Variants in H6PD observed in about 807,000 individuals in gnomAD.
H6PD encodes hexose-6-phosphate dehydrogenase/glucose 1-dehydrogenase, also known as GDH/6PGL endoplasmic bifunctional protein.
Under a neutral mutation model 61.2 loss-of-function variants are expected in H6PD, and 48 were observed. That is an observed-to-expected ratio of 0.78 (90% CI 0.62 to 1.00). The LOEUF is 1.00. Among genes scored for constraint, H6PD ranks in the 50% least tolerant of loss-of-function variants. The pLI, the probability that H6PD is intolerant of heterozygous loss-of-function variation, is 0.00. For missense variants in H6PD, 1,093 were observed against 1,065.0 expected (o/e 1.03, Z -0.37); for synonymous variants, 480 against 457.9 (o/e 1.05, Z -0.62).
intron 1 of H6PD, among the ~76,000 whole-genome samples, chr1:9,240,528 A>G (rs1358070853): frequency 2.0e-5 from 3 of 152,176 alleles, no homozygotes; most frequent in Non-Finnish European, 4.4e-5. Flanking sequence ...ACTGAGGCCC[A>G]GCCAGGCTAA....
At chr1:9,240,025 C>T in intron 1 of H6PD, 2 of 1,230,174 alleles carry the variant, frequency 1.6e-6, no homozygotes, top group South Asian at 4.1e-5. Flanking sequence ...ACTGGTAAGT[C>T]TCTCCCAGGA....
intron 4 of H6PD, 71 bp downstream of exon 4, chr1:9,262,399 GC>G (rs1242646102): frequency 7.2e-7 from 1 of 1,395,030 alleles, no homozygotes; most frequent in Non-Finnish European, 9.9e-7. Context: ...AAATGCAGAC[GC>G]CCTTGGGTGG....
chr1:9,241,592 G>T (rs553325870), intron 1 of H6PD, among the ~76,000 whole-genome samples: 1 of 152,230 alleles, frequency 6.6e-6, no homozygotes, highest in East Asian at 1.9e-4. Flanking sequence ...AGAGATGGGG[G>T]TCTCGCTGTG....
Position 9,263,647 on chromosome 1 carries a change from A to G in H6PD, c.1154A>G (p.His385Arg), listed in dbSNP as rs762206316. 2 of 1,614,060 alleles carry G rather than the reference A, an allele frequency of 1.2e-6. No homozygotes were observed. The highest frequency in any genetic ancestry group is 2.7e-5 in the African/African-American group (2 of 74,948). Reference sequence around the variant, plus strand: ...GCCTGCTGTGTGCAGAGCGAAAAGCACTGGGCCGCGGCGCAGAGCCAGTGC... The same window carrying G: ...GCCTGCTGTGTGCAGAGCGAAAAGCGCTGGGCCGCGGCGCAGAGCCAGTGC... ...NQACCVQSEK[H>R]WAAAQSQCLP... The change falls in exon 5 of 5, where the codon CAC becomes CGC. Residue 385 changes from histidine (H) to arginine (R), a missense_variant. By Grantham distance (29) the His-to-Arg change is conservative. Coordinates refer to ENST00000377403, the MANE Select transcript of H6PD (RefSeq NM_004285.4).
intron 1 of H6PD, among the ~76,000 whole-genome samples, chr1:9,241,541 CAT>C (rs1640998081): frequency 6.6e-6 from 1 of 152,164 alleles, no homozygotes; most frequent in Non-Finnish European, 1.5e-5. Context: ...AGACTACAGA[CAT>C]GTGCCACCAC....
In H6PD at chr1:9,264,748, G is replaced by A. The variant is rs138906361; in HGVS notation, c.2255G>A (p.Arg752His). ...GTCCTGGTCATGGGCAGGATGAAGC[G>A]TGAGATCACCACGCTGGTGAGCCGG... ...VAVLVMGRMK[R>H]EITTLVSRVG... Residue 752 changes from arginine to histidine, a missense_variant, in exon 5 of 5, where the codon CGT (arginine) becomes CAT (histidine). Transcript: ENST00000377403. 7.1e-5 allele frequency: 115 copies of A among 1,613,130 alleles called. No individual in the cohort carries two copies. The highest frequency in any genetic ancestry group is 9.3e-5 in the African/African-American group (7 of 74,942).
intron 4 of H6PD, among the ~76,000 whole-genome samples, chr1:9,262,531 C>T (rs925364674): frequency 5.3e-5 from 8 of 152,214 alleles, no homozygotes; most frequent in Middle Eastern, 3.2e-3. Context: ...GCCCTCAGGG[C>T]GAAGGACATC....
rs566354167 is a variant in H6PD, at chr1:9,243,001, C to A, written c.-10-1924C>A. The A allele has an allele frequency of 7.1e-6, 7 of 982,302 alleles. No individual in the cohort carries two copies. The East Asian group carries it at 6.8e-4, about 96-fold the overall frequency. The allele number at this position is 982,302 out of a possible 1,614,324, so 60.8% of individuals were successfully genotyped here. On this transcript the variant is annotated intron_variant, in intron 1 of 4. Coordinates refer to ENST00000377403, the MANE Select transcript of H6PD (RefSeq NM_004285.4). ...GTGTATTTAGGGGTGAGGGCAGATA[C>A]AGGGAGAGTGGGAGAGGAAGGCTGG...
At chr1:9,260,629 ATGT>A (rs1330632637) in intron 3 of H6PD, among the ~76,000 whole-genome samples, 3 of 150,972 alleles carry the variant, frequency 2.0e-5, no homozygotes, top group African/African-American at 7.3e-5. Flanking sequence ...TGTTACGCCA[ATGT>A]TGTTATGTTG....
At position 9,263,727 on chromosome 1, in the gene H6PD, G is replaced by T. The variant is rs201017402; in HGVS notation, c.1234G>T (p.Val412Leu). Reference protein sequence around the residue: ...IGHGDLGSPAVLVSRNLFRPS... With the variant: ...IGHGDLGSPALLVSRNLFRPS... ...CCATGGCGACCTGGGCAGCCCTGCC[G>T]TGCTGGTCAGCAGGAACCTGTTCAG... Residue 412 changes from valine to leucine, a missense_variant, in exon 5 of 5, where the codon GTG becomes TTG. Coordinates refer to ENST00000377403, the MANE Select transcript of H6PD (RefSeq NM_004285.4). 5.0e-6 allele frequency: 8 copies of T among 1,613,848 alleles called. No individual in the cohort carries two copies. In the Admixed American group the frequency reaches 6.7e-5, roughly 13 times the overall value.
At position 9,263,532 on chromosome 1, in the gene H6PD, C is replaced by T. The variant is rs756870094; in HGVS notation, c.1039C>T (p.Leu347Phe). 6.2e-6 allele frequency: 10 copies of T among 1,614,084 alleles called. No homozygotes were observed. The Admixed American group carries it at 1.5e-4, about 24-fold the overall frequency. ...FAAVLVHIDNLRWEGVPFILM... is the reference protein window; with the variant it reads ...FAAVLVHIDNFRWEGVPFILM... ...AGCCGTCCTAGTGCACATTGACAAC[C>T]TTCGCTGGGAGGGCGTGCCTTTCAT... Residue 347 changes from leucine to phenylalanine, a missense_variant, in exon 5 of 5, where the codon CTT (leucine) becomes TTT (phenylalanine). Physicochemically the swap from Leu to Phe is conservative, Grantham distance 22. Transcript: ENST00000377403.
At position 9,264,184 on chromosome 1, in the gene H6PD, T is replaced by C; in HGVS notation, c.1691T>C (p.Ile564Thr). ...PLVSAWSEEL[I>T]SKLANDIEAT... ...GTCTCCGCCTGGTCCGAGGAGCTGA[T>C]CTCTAAGCTGGCTAATGACATCGAG... is the stretch of plus-strand genomic sequence containing the variant. Residue 564 changes from isoleucine to threonine, a missense_variant, in exon 5 of 5, where the codon ATC becomes ACC. Transcript: ENST00000377403. 1 of 1,611,812 alleles carries C rather than the reference T, an allele frequency of 6.2e-7. No homozygotes were observed. The highest frequency in any genetic ancestry group is 8.5e-7 in the Non-Finnish European group (1 of 1,178,780).
intron 1 of H6PD, among the ~76,000 whole-genome samples, chr1:9,240,611 A>G (rs924164772): frequency 1.3e-5 from 2 of 152,176 alleles, no homozygotes; most frequent in East Asian, 1.9e-4. Context: ...TCGGGTTCCC[A>G]GTGTAATGCC....
At chr1:9,250,766 G>T (rs564555208) in intron 3 of H6PD, among the ~76,000 whole-genome samples, 1 of 152,302 alleles carries the variant, frequency 6.6e-6, no homozygotes, top group East Asian at 1.9e-4. Flanking sequence ...TGCAGGCCCC[G>T]GGAAAGGGAC....
chr1:9,243,740 C>T (rs1450281956), intron 1 of H6PD, among the ~76,000 whole-genome samples: 1 of 150,904 alleles, frequency 6.6e-6, no homozygotes, highest in Non-Finnish European at 1.5e-5. Flanking sequence ...GAACACTAGC[C>T]CAGGTGGTTT....
In H6PD at chr1:9,265,446, T is replaced by A. The variant is rs372628402; in HGVS notation, c.*577T>A. ...CCCCTCCTTCTAGAACCTCTGCACA[T>A]CTAGCCTCTGGCCCTCCTCTTCACT... On this transcript the variant is annotated 3_prime_UTR_variant, in exon 5 of 5. Coordinates refer to ENST00000377403, the MANE Select transcript of H6PD (RefSeq NM_004285.4). 2 of 176,476 alleles carry A rather than the reference T, an allele frequency of 1.1e-5. No individual in the cohort carries two copies. The highest frequency in any genetic ancestry group is 1.5e-4 in the East Asian group (1 of 6,892). 10.9% of individuals were successfully genotyped at this position (176,476 alleles called of 1,614,324 possible).
chr1:9,247,206 C>T lies in H6PD; in HGVS notation c.745+123C>T, dbSNP rs568452695. On this transcript the variant is annotated intron_variant, in intron 3 of 4. Transcript: ENST00000377403. ...GTGTGTGGTCTCCCTTCGAGCCTGC[C>T]GTGTGCCTAGCTCTGAACCGGGCTA... is the stretch of plus-strand genomic sequence containing the variant. 7.4e-5 allele frequency: 56 copies of T among 759,566 alleles called. 1 individual carries two copies. Among genetic ancestry groups the T allele is most frequent in the South Asian group, 6.4e-4 (45 of 70,708 alleles). 47.1% of individuals were successfully genotyped at this position (759,566 alleles called of 1,614,324 possible). A position where few individuals can be genotyped will look rare whatever the true frequency, so the allele number is the denominator to read the frequency against.
At position 9,264,601 on chromosome 1, in the gene H6PD, TC is replaced by T; in HGVS notation, c.2111del (p.Pro704HisfsTer15). Reference protein sequence around the residue: ...MGADGHTASLFPQSPTGLDGE... With the variant: ...MGADGHTASLXPQSPTGLDGE... ...GCCGACGGGCACACAGCCTCCCTCTTCCCACAGTCACCCACTGGCCTGGATG... is the reference window on the plus strand; with the variant it reads ...GCCGACGGGCACACAGCCTCCCTCTTCCACAGTCACCCACTGGCCTGGATG... On this transcript the variant is annotated frameshift_variant, in exon 5 of 5. Transcript: ENST00000377403. LOFTEE classifies it high-confidence loss of function. The T allele has an allele frequency of 6.2e-7, 1 of 1,613,174 alleles. No individual in the cohort carries two copies. The highest frequency in any genetic ancestry group is 1.1e-5 in the South Asian group (1 of 91,076).
In H6PD at chr1:9,254,249, G is replaced by A. The variant is rs545832228; in HGVS notation, c.745+7166G>A. On this transcript the variant is annotated intron_variant, in intron 3 of 4. Coordinates refer to ENST00000377403, the MANE Select transcript of H6PD (RefSeq NM_004285.4). This position sits in a 1 kb window ranked among gnomAD's most constrained non-coding sequence, Gnocchi z 4.6. ...TTGTGCCTGTAATCCCAGCTACTCGGGAGGCTGAGGCAGGAGAATTGCTTG... is the reference window on the plus strand; with the variant it reads ...TTGTGCCTGTAATCCCAGCTACTCGAGAGGCTGAGGCAGGAGAATTGCTTG... 3.3e-5 allele frequency among the ~76,000 whole-genome samples: 5 copies of A among 152,266 alleles called. No homozygotes were observed. Among genetic ancestry groups the A allele is most frequent in the Admixed American group, 2.6e-4 (4 of 15,298 alleles).
Sources: allele counts gnomAD v4.1 joint callset (sites outside exome capture counted in the v4.1 genomes callset), GRCh38; gene constraint gnomAD v4.1.1; non-coding constraint Gnocchi (gnomAD v3.1); transcripts MANE v1.5; gene names NCBI Gene and HGNC (gene_info 2026-07-23, HGNC 2026-07-21).